FBXL17: variants seen among roughly 807,000 people sequenced by gnomAD.
FBXL17 encodes F-box/LRR-repeat protein 17.
In FBXL17, 22 loss-of-function variants were observed where a neutral mutation model predicts 66.2. The ratio of observed to expected loss-of-function variants is 0.33; its 90% CI spans 0.24 to 0.47. The LOEUF (loss-of-function observed/expected upper bound fraction) is 0.47. Ranked by LOEUF, FBXL17 falls within the 20% of genes least tolerant of loss-of-function variation. FBXL17 has a pLI of 1.00. For synonymous variants in FBXL17, 474 were observed against 400.5 expected, an observed-to-expected ratio of 1.18 and a Z score of -2.19; for missense variants, 878 against 948.2, an observed-to-expected ratio of 0.93 and a Z score of 0.97.
At chr5:107,969,281 A>C (rs894987034) in intron 7 of FBXL17, among the ~76,000 whole-genome samples, 1 of 152,122 alleles carries the variant, frequency 6.6e-6, no homozygotes, top group Admixed American at 6.6e-5. Flanking sequence ...GGCACATTTG[A>C]CTCACACAGA....
intron 6 of FBXL17, among the ~76,000 whole-genome samples, chr5:108,058,939 T>C (rs902622694): frequency 6.6e-6 from 1 of 152,184 alleles, no homozygotes; most frequent in African/African-American, 2.4e-5. Flanking sequence ...CAAATCATCA[T>C]TTCCCAGAAT....
chr5:108,353,531 G>C (rs35624833), intron 3 of FBXL17, among the ~76,000 whole-genome samples: 42,497 of 152,074 alleles, frequency 0.28, 6,520 homozygotes, highest in Middle Eastern at 0.37. Context: ...GCAATGAGAG[G>C]AGAAAAGTAA....
chr5:108,264,837 T>A (rs146253453), intron 4 of FBXL17, among the ~76,000 whole-genome samples: 1 of 151,786 alleles, frequency 6.6e-6, no homozygotes, highest in African/African-American at 2.4e-5. Context: ...ACCGGTCAAT[T>A]ACTTTCGACT....
chr5:108,025,722 C>A (rs113088207), intron 6 of FBXL17, among the ~76,000 whole-genome samples: 1 of 119,504 alleles, frequency 8.4e-6, no homozygotes, highest in African/African-American at 3.7e-5. Context: ...CACACACGCG[C>A]GCGCGCACAC....
intron 7 of FBXL17, among the ~76,000 whole-genome samples, chr5:108,016,768 TTCTTTCTTTC>T (rs1754402476): frequency 2.0e-5 from 2 of 99,432 alleles, no homozygotes; most frequent in African/African-American, 7.4e-5. Context: ...TTATCTTTTT[TTCTTTCTTTC>T]TTTCTTTCTT....
At chr5:108,075,860 T>G (rs1287567456) in intron 6 of FBXL17, among the ~76,000 whole-genome samples, 1 of 152,236 alleles carries the variant, frequency 6.6e-6, no homozygotes, top group Non-Finnish European at 1.5e-5. Flanking sequence ...TTATTTGTGT[T>G]TGTCTGTATT....
rs550059911 is a variant in FBXL17, at chr5:108,162,890, T to A, written c.1745+23227A>T. Among the ~76,000 whole-genome samples, 4 of 152,304 alleles carry A rather than the reference T, an allele frequency of 2.6e-5. No individual in the cohort carries two copies. The East Asian group carries it at 7.7e-4, about 29-fold the overall frequency. On this transcript the variant is annotated intron_variant, in intron 6 of 8. Transcript: ENST00000542267. ...ATGTGCAGAGAGGTTTCTGAAATCC[T>A]AAGTAGCCATCCCTAGGTCTTATTA... is the stretch of plus-strand genomic sequence containing the variant.
chr5:107,864,912 T>A (rs931791089), intron 8 of FBXL17, among the ~76,000 whole-genome samples: 2 of 152,206 alleles, frequency 1.3e-5, no homozygotes, highest in Non-Finnish European at 2.9e-5. Context: ...TCCTTTTTTT[T>A]AACAGATGTT....
chr5:107,975,416 A>G (rs1376857493), intron 7 of FBXL17, among the ~76,000 whole-genome samples: 1 of 152,206 alleles, frequency 6.6e-6, no homozygotes, highest in African/African-American at 2.4e-5. Flanking sequence ...TTACATACAG[A>G]AATGTCATAA....
At chr5:108,308,604 G>A (rs917579615) in intron 4 of FBXL17, among the ~76,000 whole-genome samples, 6 of 152,010 alleles carry the variant, frequency 3.9e-5, no homozygotes, top group African/African-American at 7.2e-5. Context: ...TTGAATTAGC[G>A]ATTATTCCAC....
intron 6 of FBXL17, among the ~76,000 whole-genome samples, chr5:108,168,482 A>C (rs1204043116): frequency 1.3e-5 from 2 of 152,216 alleles, no homozygotes; most frequent in Non-Finnish European, 2.9e-5. Context: ...GGCCCATTCC[A>C]AATGACTGCT....
intron 4 of FBXL17, among the ~76,000 whole-genome samples, chr5:108,226,244 A>G (rs1755094344): frequency 6.6e-6 from 1 of 152,198 alleles, no homozygotes; most frequent in African/African-American, 2.4e-5. Context: ...TTAGCACTGA[A>G]AAGTCCTATG....
At chr5:108,004,382 A>G (rs1044915637) in intron 7 of FBXL17, among the ~76,000 whole-genome samples, 8 of 152,242 alleles carry the variant, frequency 5.3e-5, no homozygotes, top group Non-Finnish European at 1.2e-4. Flanking sequence ...CTTATTTGAA[A>G]AAGCTTATGC....
intron 8 of FBXL17, among the ~76,000 whole-genome samples, chr5:107,864,794 C>T (rs1748226219): frequency 6.6e-6 from 1 of 152,216 alleles, no homozygotes; most frequent in Non-Finnish European, 1.5e-5. Context: ...TCCTGTACAC[C>T]TGCAGAACCA....
At position 107,871,057 on chromosome 5, in the gene FBXL17, C is replaced by CAAAAAAA. The variant is rs201752049; in HGVS notation, c.1966-9204_1966-9198dup. ...GGTAAGAAATATTACTCTTGGGCGG[C>CAAAAAAA]AAAAAAAAAAAAAAAAAAAAAACCT... On this transcript the variant is annotated intron_variant, in intron 8 of 8. Coordinates refer to ENST00000542267, the MANE Select transcript of FBXL17 (RefSeq NM_001163315.3). 6.1e-4 allele frequency among the ~76,000 whole-genome samples: 40 copies of CAAAAAAA among 65,884 alleles called. 1 individual carries two copies. The highest frequency in any genetic ancestry group is 2.3e-3 in the African/African-American group (31 of 13,320). The allele number at this position is 65,884 out of a possible 152,430, so 43.2% of individuals were successfully genotyped here. A position where few individuals can be genotyped will look rare whatever the true frequency, so the allele number is the denominator to read the frequency against.
intron 4 of FBXL17, among the ~76,000 whole-genome samples, chr5:108,308,077 C>G (rs192942564): frequency 6.6e-6 from 1 of 152,000 alleles, no homozygotes; most frequent in African/African-American, 2.4e-5. Flanking sequence ...AATAGAAACA[C>G]GACCTTGTCC....
chr5:108,057,958 T>C (rs1483752680), intron 6 of FBXL17, among the ~76,000 whole-genome samples: 4 of 152,176 alleles, frequency 2.6e-5, no homozygotes, highest in Non-Finnish European at 4.4e-5. Context: ...ATTTGACGAA[T>C]GAAGGAATTG....
In FBXL17 at chr5:107,974,757, A is replaced by T. The variant is rs57244056; in HGVS notation, c.1822+46168T>A. Among the ~76,000 whole-genome samples, 24 of 152,212 alleles carry T rather than the reference A, an allele frequency of 1.6e-4. No homozygotes were observed. The South Asian group carries it at 3.7e-3, about 24-fold the overall frequency. ...GCTTATTAGATATTTACAAAACTGCACAGAAATAGGTAAAGGGAGAGTTAA... is the reference window on the plus strand; with the variant it reads ...GCTTATTAGATATTTACAAAACTGCTCAGAAATAGGTAAAGGGAGAGTTAA... On this transcript the variant is annotated intron_variant, in intron 7 of 8. Coordinates refer to ENST00000542267, the MANE Select transcript of FBXL17 (RefSeq NM_001163315.3).
Position 108,305,119 on chromosome 5 carries a change from C to T in FBXL17, c.1506+43280G>A, listed in dbSNP as rs147925595. Among the ~76,000 whole-genome samples, 117 of 152,130 alleles carry T rather than the reference C, an allele frequency of 7.7e-4. 2 individuals are homozygous for T. In the East Asian group the frequency reaches 0.019, roughly 24 times the overall value. On this transcript the variant is annotated intron_variant, in intron 4 of 8. Coordinates refer to ENST00000542267, the MANE Select transcript of FBXL17 (RefSeq NM_001163315.3). ...CTAATAGAAAAGAGAGGAAAGAGAA[C>T]TTATGTGCAGGAAAAAGTAAGTGTA...
Sources: gnomAD v4.1 joint callset for allele counts (sites outside exome capture counted in the v4.1 genomes callset) on GRCh38, gnomAD v4.1.1 for gene constraint, MANE v1.5 for transcripts, NCBI Gene and HGNC (gene_info 2026-07-23, HGNC 2026-07-21) for gene names.